The following BTNL9 variants were observed in gnomAD, a reference collection of about 807,000 sequenced individuals.
The protein encoded by BTNL9 is butyrophilin-like protein 9.
BTNL9 carries 45 observed loss-of-function variants against 45.8 expected under a neutral mutation model. The observed-to-expected ratio is 0.98, with a 90% CI of 0.77 to 1.26. BTNL9 has a LOEUF of 1.26. Ranked by LOEUF, BTNL9 falls within the 50% of genes most tolerant of loss-of-function variation. The pLI, the probability that BTNL9 is intolerant of heterozygous loss-of-function variation, is 0.00. For synonymous variants in BTNL9, 346 were observed against 330.8 expected, an observed-to-expected ratio of 1.05 and a Z score of -0.50; for missense variants, 784 against 729.7, an observed-to-expected ratio of 1.07 and a Z score of -0.86.
chr5:181,041,136 T>C (rs936232083), intron 1 of BTNL9, among the ~76,000 whole-genome samples: 1 of 152,198 alleles, frequency 6.6e-6, no homozygotes, highest in Non-Finnish European at 1.5e-5. Context: ...GTCATTTAAG[T>C]GTGAAATGTA....
rs1156332235 is a variant in BTNL9, at chr5:181,059,858, G to T, written c.1604G>T (p.Trp535Leu). The T allele has an allele frequency of 3.2e-6, 5 of 1,558,132 alleles. No homozygotes were observed. The highest frequency in any genetic ancestry group is 4.3e-6 in the Non-Finnish European group (5 of 1,156,682). ...YEPADPALDWW is the reference protein window; with the variant it reads ...YEPADPALDWL Reference sequence around the variant, plus strand: ...CCCGCGGACCCCGCCCTGGACTGGTGGTGAGGCGCCCTCGTGGCCGCGGGA... The same window carrying T: ...CCCGCGGACCCCGCCCTGGACTGGTTGTGAGGCGCCCTCGTGGCCGCGGGA... The change falls in exon 11 of 11, where the codon TGG becomes TTG. Residue 535 changes from tryptophan to leucine, a missense_variant. Coordinates refer to ENST00000327705, the MANE Select transcript of BTNL9 (RefSeq NM_152547.5).
intron 9 of BTNL9, among the ~76,000 whole-genome samples, chr5:181,057,916 AT>A (rs1761966181): frequency 6.6e-6 from 1 of 152,206 alleles, no homozygotes; most frequent in Admixed American, 6.5e-5. Context: ...ACTCAGATTG[AT>A]TCACATTAAG....
At chr5:181,049,088 A>G (rs1761393068) in intron 3 of BTNL9, among the ~76,000 whole-genome samples, 1 of 151,690 alleles carries the variant, frequency 6.6e-6, no homozygotes, top group Non-Finnish European at 1.5e-5. Context: ...GCTATGGAGA[A>G]GAAAGCTGTC....
Position 181,053,723 on chromosome 5 carries a change from C to G in BTNL9, c.886+222C>G, listed in dbSNP as rs1322488945. On this transcript the variant is annotated intron_variant, in intron 6 of 10. Transcript: ENST00000327705. This position sits in a 1 kb window ranked among gnomAD's most constrained non-coding sequence, Gnocchi z 6.5. ...TGCATTTTCCACGGAGGCTAGTGCA[C>G]AGATGTCAGGGTTGACCGGCTGCTG... The G allele has an allele frequency of 6.6e-6, 10 of 1,514,468 alleles. No individual in the cohort carries two copies. The highest frequency in any genetic ancestry group is 8.0e-6 in the Non-Finnish European group (9 of 1,130,638). The allele number at this position is 1,514,468 out of a possible 1,614,324, so 93.8% of individuals were successfully genotyped here. A position where few individuals can be genotyped will look rare whatever the true frequency, so the allele number is the denominator to read the frequency against.
At chr5:181,054,606 A>G in intron 7 of BTNL9, 2 of 985,466 alleles carry the variant, frequency 2.0e-6, no homozygotes, top group Non-Finnish European at 2.4e-6. Context: ...AATTTGCACC[A>G]AAATGGAAAT....
chr5:181,051,078 C>CAAAGAA (rs1761508274), intron 4 of BTNL9, among the ~76,000 whole-genome samples: 1 of 44,688 alleles, frequency 2.2e-5, no homozygotes, highest in African/African-American at 8.5e-5. Context: ...GAATCCGTCT[C>CAAAGAA]AAAAAAAAAA....
rs1445656751 is a variant in BTNL9, at chr5:181,041,171, C to A, written c.-24+739C>A. Among the ~76,000 whole-genome samples the A allele has an allele frequency of 2.0e-5, 3 of 152,156 alleles. 1 individual carries two copies. In the South Asian group the frequency reaches 6.2e-4, roughly 32 times the overall value. On this transcript the variant is annotated intron_variant, in intron 1 of 10. Coordinates refer to ENST00000327705, the MANE Select transcript of BTNL9 (RefSeq NM_152547.5). ...AGTCTTAAAATTATGTTAGAGAATC[C>A]CCAAGGTTTTGCTCTGCCCCCATGG...
intron 2 of BTNL9, among the ~76,000 whole-genome samples, 188 bp downstream of exon 2, chr5:181,045,786 C>A (rs191721188): frequency 2.1e-4 from 30 of 139,664 alleles, no homozygotes; most frequent in African/African-American, 7.6e-4. Flanking sequence ...GTTCCTCCAC[C>A]ATCTCCCCAG....
rs1761709595 is a variant in BTNL9, at chr5:181,053,677, A to G, written c.886+176A>G. The G allele has an allele frequency of 2.0e-6, 3 of 1,520,966 alleles. No homozygotes were observed. Among genetic ancestry groups the G allele is most frequent in the Non-Finnish European group, 2.7e-6 (3 of 1,131,134 alleles). 94.2% of individuals were successfully genotyped at this position (1,520,966 alleles called of 1,614,324 possible). On this transcript the variant is annotated intron_variant, in intron 6 of 10. Transcript: ENST00000327705. The surrounding 1 kb of genome is among the most constrained non-coding windows in gnomAD (Gnocchi z 6.5). The stretch of plus-strand genomic sequence containing the variant: ...AGGGGGAAGATCGTTCATATGGACA[A>G]AAGCGGAGGTGCGGAACGGCTGCAT...
At chr5:181,052,024 C>A (rs944624023) in intron 4 of BTNL9, among the ~76,000 whole-genome samples, 1 of 151,794 alleles carries the variant, frequency 6.6e-6, no homozygotes, top group East Asian at 1.9e-4. Flanking sequence ...GCCAGAGGGT[C>A]GAGGGGGAGG....
rs1012462524 is a variant in BTNL9, at chr5:181,050,426, G to T, written c.736+57G>T. 6.4e-7 allele frequency: 1 copy of T among 1,565,552 alleles called. No homozygotes were observed. The highest frequency in any genetic ancestry group is 8.7e-7 in the Non-Finnish European group (1 of 1,147,174). On this transcript the variant is annotated intron_variant, in intron 4 of 10. Transcript: ENST00000327705. This position sits in a 1 kb window ranked among gnomAD's most constrained non-coding sequence, Gnocchi z 4.9. Reference sequence around the variant, plus strand: ...TAGTCCTCATGTGTACATACACATTGGCCCAAAGGCAGTCTATAAAGACAC... The same window carrying T: ...TAGTCCTCATGTGTACATACACATTTGCCCAAAGGCAGTCTATAAAGACAC...
rs4385169 is a variant in BTNL9, at chr5:181,050,473, A to G, written c.736+104A>G. 3.0e-3 allele frequency: 4,151 copies of G among 1,376,160 alleles called. 92 individuals carry two copies. In the African/African-American group the frequency reaches 0.047, roughly 16 times the overall value. 85.2% of individuals were successfully genotyped at this position (1,376,160 alleles called of 1,614,324 possible). A position where few individuals can be genotyped will look rare whatever the true frequency, so the allele number is the denominator to read the frequency against. On this transcript the variant is annotated intron_variant, in intron 4 of 10. Coordinates refer to ENST00000327705, the MANE Select transcript of BTNL9 (RefSeq NM_152547.5). This position sits in a 1 kb window ranked among gnomAD's most constrained non-coding sequence, Gnocchi z 4.9. ...ACACAATGGTACTGCGCCTGTCTGC[A>G]TATAGGGTGTGTTGGCCTTGACACC...
At chr5:181,048,463 A>G (rs1170531891) in intron 3 of BTNL9, among the ~76,000 whole-genome samples, 192 bp downstream of exon 3, 1 of 152,056 alleles carries the variant, frequency 6.6e-6, no homozygotes, top group Non-Finnish European at 1.5e-5. Flanking sequence ...GCCCTTAAAT[A>G]TATGAAAAGG....
At chr5:181,059,191 G>T in intron 10 of BTNL9, 46 bp from the exon 11 acceptor site, 1 of 1,467,084 alleles carries the variant, frequency 6.8e-7, no homozygotes, top group Non-Finnish European at 9.0e-7. Context: ...ACACGGACGG[G>T]GCCCAGACCG....
chr5:181,045,644 T>G (rs1376917474), intron 2 of BTNL9, 46 bp downstream of exon 2: 1 of 1,451,772 alleles, frequency 6.9e-7, no homozygotes, highest in South Asian at 1.1e-5. Flanking sequence ...ACGCCACCCC[T>G]CCTGCCAGGT....
chr5:181,059,249 T>C lies in BTNL9; in HGVS notation c.995T>C (p.Leu332Pro). The change falls in exon 11 of 11, where the codon CTG becomes CCG. Residue 332 changes from leucine to proline, a missense_variant. Leu to Pro is a moderately conservative substitution (Grantham distance 98). Transcript: ENST00000327705. ...TGGCTCTGCGCAGTGGATGTGACGC[T>C]GGACCCGGCCTCGGCGCACCCCAGC... Reference protein sequence around the residue: ...AAQKYAVDVTLDPASAHPSLE... With the variant: ...AAQKYAVDVTPDPASAHPSLE... 6.4e-7 allele frequency: 1 copy of C among 1,561,312 alleles called. No homozygotes were observed. The highest frequency in any genetic ancestry group is 1.2e-5 in the South Asian group (1 of 86,154).
rs781551944 is a variant in BTNL9, at chr5:181,055,809, A to G, written c.929-180A>G. The G allele has an allele frequency of 9.1e-6, 7 of 769,526 alleles. No homozygotes were observed. The highest frequency in any genetic ancestry group is 1.4e-5 in the Non-Finnish European group (6 of 423,608). 47.7% of individuals were successfully genotyped at this position (769,526 alleles called of 1,614,324 possible). A position where few individuals can be genotyped will look rare whatever the true frequency, so the allele number is the denominator to read the frequency against. On this transcript the variant is annotated intron_variant, in intron 8 of 10. Coordinates refer to ENST00000327705, the MANE Select transcript of BTNL9 (RefSeq NM_152547.5). This position sits in a 1 kb window ranked among gnomAD's most constrained non-coding sequence, Gnocchi z 4.4. ...TATTTCTCCTCATTCATCATTTTGC[A>G]TCTGATTCCCCATATATCTTCTTCT...
chr5:181,053,254 C>T lies in BTNL9; in HGVS notation c.791C>T (p.Pro264Leu). 1 of 1,589,544 alleles carries T rather than the reference C, an allele frequency of 6.3e-7. No homozygotes were observed. Among genetic ancestry groups the T allele is most frequent in the Non-Finnish European group, 8.6e-7 (1 of 1,169,044 alleles). The change falls in exon 5 of 11, where the codon CCG (proline) becomes CTG (leucine). Residue 264 changes from proline (P) to leucine (L), a missense_variant. Coordinates refer to ENST00000327705, the MANE Select transcript of BTNL9 (RefSeq NM_152547.5). This position sits in a 1 kb window ranked among gnomAD's most constrained non-coding sequence, Gnocchi z 6.5. ...AAGAGCGCGTTCGTCGCGACCCTGC[C>T]GCTGCTGTTGGTCCTCGCGGCGCTG... ...AWKSAFVATLPLLLVLAALAL... is the reference protein window; with the variant it reads ...AWKSAFVATLLLLLVLAALAL...
chr5:181,049,962 A>T (rs1190995150), intron 3 of BTNL9, 126 bp from the exon 4 acceptor site: 1 of 1,243,938 alleles, frequency 8.0e-7, no homozygotes, highest in African/African-American at 1.5e-5. Flanking sequence ...AAGCCCACAC[A>T]CGTCTTAATA....
Sources: gnomAD v4.1 joint callset for allele counts (sites outside exome capture counted in the v4.1 genomes callset) on GRCh38, gnomAD v4.1.1 for gene constraint, Gnocchi (gnomAD v3.1) non-coding constraint, MANE v1.5 for transcripts, NCBI Gene and HGNC (gene_info 2026-07-23, HGNC 2026-07-21) for gene names.